The following SLCO6A1 variants were observed in gnomAD, a reference collection of about 807,000 sequenced individuals.
SLCO6A1 encodes solute carrier organic anion transporter family member 6A1.
A neutral mutation model predicts 72.7 loss-of-function variants in SLCO6A1; 65 were observed. The observed-to-expected ratio is 0.89, with a 90% CI of 0.73 to 1.10. The LOEUF (loss-of-function observed/expected upper bound fraction) is 1.10, where lower values mean the gene tolerates loss of function less well. Among genes scored for constraint, SLCO6A1 ranks in the 50% least tolerant of loss-of-function variants. The pLI is 0.00. For synonymous variants in SLCO6A1, 314 were observed against 298.2 expected, an observed-to-expected ratio of 1.05 and a Z score of -0.55; for missense variants, 874 against 872.6, an observed-to-expected ratio of 1.00 and a Z score of -0.02.
At chr5:102,391,101 T>G in intron 10 of SLCO6A1, 56 bp from the exon 11 acceptor site, 2 of 1,474,790 alleles carry the variant, frequency 1.4e-6, no homozygotes, top group Non-Finnish European at 1.9e-6. Flanking sequence ...GCACTAAGAA[T>G]GTATGCTAGA....
Position 102,498,837 on chromosome 5 carries a change from A to G in SLCO6A1, c.8T>C (p.Val3Ala), listed in dbSNP as rs1753039550. The stretch of plus-strand genomic sequence containing the variant: ...GCTCCCAGAGTGCCGGGCGACGCCT[A>G]CGAACATGGCTCACCCTGGGCGGCT... MFVGVARHSGSQD... is the reference protein window; with the variant it reads MFAGVARHSGSQD... The change falls in exon 1 of 14, where the codon GTA becomes GCA. Residue 3 changes from valine (V) to alanine (A), a missense_variant. Physicochemically the swap from Val to Ala is moderately conservative, Grantham distance 64 (BLOSUM62 0). Coordinates refer to ENST00000506729, the MANE Select transcript of SLCO6A1 (RefSeq NM_173488.5). 1 of 1,608,770 alleles carries G rather than the reference A, an allele frequency of 6.2e-7. No homozygotes were observed. The highest frequency in any genetic ancestry group is 8.5e-7 in the Non-Finnish European group (1 of 1,178,412).
chr5:102,495,791 G>C (rs1303956902), intron 1 of SLCO6A1, among the ~76,000 whole-genome samples: 2 of 151,726 alleles, frequency 1.3e-5, no homozygotes, highest in African/African-American at 2.4e-5. Context: ...GAGAGGAAGG[G>C]AGGGAAAAAA....
intron 7 of SLCO6A1, among the ~76,000 whole-genome samples, chr5:102,435,916 T>C (rs1461164826): frequency 1.3e-5 from 2 of 151,382 alleles, no homozygotes; most frequent in Non-Finnish European, 2.9e-5. Context: ...GAGCTGGAGG[T>C]TTATAGTGGA....
chr5:102,459,786 A>C lies in SLCO6A1; in HGVS notation c.900-9T>G. On this transcript the variant is annotated splice_polypyrimidine_tract_variant and intron_variant, in intron 4 of 13. Coordinates refer to ENST00000506729, the MANE Select transcript of SLCO6A1 (RefSeq NM_173488.5). ...CATTATTGACTGTAGTGCTTTAATA[A>C]AGAAAAGTGAAAAAAAAAAGCAACT... 2 of 1,554,980 alleles carry C rather than the reference A, an allele frequency of 1.3e-6. No homozygotes were observed. Among genetic ancestry groups the C allele is most frequent in the Admixed American group, 4.5e-5 (2 of 44,088 alleles).
At chr5:102,498,220 G>A (rs981123246) in intron 1 of SLCO6A1, among the ~76,000 whole-genome samples, 5 of 152,220 alleles carry the variant, frequency 3.3e-5, no homozygotes, top group African/African-American at 1.2e-4. Context: ...CTCCCGCACA[G>A]CCGGCTCTGC....
At chr5:102,415,836 C>T (rs10065054) in intron 8 of SLCO6A1, among the ~76,000 whole-genome samples, 98,375 of 151,930 alleles carry the variant, frequency 0.65, 32,051 homozygotes, top group African/African-American at 0.67. Flanking sequence ...CCAGAATATA[C>T]AAGGAACTCA....
At chr5:102,443,465 ATTAG>A (rs1490480990) in intron 6 of SLCO6A1, among the ~76,000 whole-genome samples, 2 of 152,122 alleles carry the variant, frequency 1.3e-5, no homozygotes, top group Non-Finnish European at 2.9e-5. Context: ...AACTGACTAG[ATTAG>A]TTAGTCACTC....
intron 4 of SLCO6A1, among the ~76,000 whole-genome samples, chr5:102,461,762 C>T (rs1751051662): frequency 6.6e-6 from 1 of 152,012 alleles, no homozygotes; most frequent in Non-Finnish European, 1.5e-5. Flanking sequence ...CAAAAATAAA[C>T]TGAAATTGAA....
chr5:102,388,878 A>G (rs1746576931), intron 11 of SLCO6A1, 53 bp from the exon 12 acceptor site: 1 of 1,501,992 alleles, frequency 6.7e-7, no homozygotes, highest in Non-Finnish European at 9.0e-7. Context: ...ATTCTCTTAA[A>G]CATGTAATGC....
At chr5:102,387,066 C>T (rs908670605) in intron 12 of SLCO6A1, among the ~76,000 whole-genome samples, 2 of 152,128 alleles carry the variant, frequency 1.3e-5, no homozygotes, top group Admixed American at 1.3e-4. Context: ...TATTTTCACA[C>T]ATGGATGGTC....
chr5:102,389,590 A>G (rs1746631946), intron 11 of SLCO6A1, among the ~76,000 whole-genome samples: 1 of 151,622 alleles, frequency 6.6e-6, no homozygotes, highest in African/African-American at 2.4e-5. Context: ...GCCAATGTGC[A>G]TTATCTAGAT....
chr5:102,495,884 G>A (rs1489759295), intron 1 of SLCO6A1, among the ~76,000 whole-genome samples: 1 of 152,116 alleles, frequency 6.6e-6, no homozygotes, highest in South Asian at 2.1e-4. Flanking sequence ...TACTCTGTAA[G>A]ACTTTCAAGG....
intron 10 of SLCO6A1, among the ~76,000 whole-genome samples, chr5:102,398,732 T>C (rs1021991230): frequency 2.0e-5 from 3 of 152,158 alleles, no homozygotes; most frequent in Non-Finnish European, 4.4e-5. Context: ...TATCATGCTA[T>C]CCTGTCATAG....
chr5:102,475,555 G>A lies in SLCO6A1; in HGVS notation c.899+142C>T, dbSNP rs1751851744. 6 of 522,292 alleles carry A rather than the reference G, an allele frequency of 1.1e-5. No homozygotes were observed. In the South Asian group the frequency reaches 1.4e-4, roughly 12 times the overall value. The allele number at this position is 522,292 out of a possible 1,614,324, so 32.4% of individuals were successfully genotyped here. A position where few individuals can be genotyped will look rare whatever the true frequency, so the allele number is the denominator to read the frequency against. On this transcript the variant is annotated intron_variant, in intron 4 of 13. Transcript: ENST00000506729. ...CAGATGTATTTATATGTACAAATAT[G>A]TGCATATGTCACATTTGCATATATT...
At chr5:102,466,508 A>C (rs752558904) in intron 4 of SLCO6A1, among the ~76,000 whole-genome samples, 1 of 151,928 alleles carries the variant, frequency 6.6e-6, no homozygotes, top group Non-Finnish European at 1.5e-5. Context: ...TGTCTTTATA[A>C]CTGGATGATG....
intron 4 of SLCO6A1, among the ~76,000 whole-genome samples, chr5:102,467,603 G>C (rs1025318625): frequency 6.6e-6 from 1 of 152,062 alleles, no homozygotes; most frequent in Non-Finnish European, 1.5e-5. Flanking sequence ...TTGAAGGTGA[G>C]ATTTGTGTAG....
rs376772418 is a variant in SLCO6A1, at chr5:102,495,411, C to T, written c.358+3076G>A. ...GAGTTTGAGACCAGCCTGGCCAATA[C>T]GGTGAAACCCCATCTCTATTAAAAA... is the stretch of plus-strand genomic sequence containing the variant. On this transcript the variant is annotated intron_variant, in intron 1 of 13. Transcript: ENST00000506729. Among the ~76,000 whole-genome samples the T allele has an allele frequency of 4.6e-5, 7 of 151,484 alleles. No homozygotes were observed. The South Asian group carries it at 8.3e-4, about 18-fold the overall frequency.
At chr5:102,479,460 C>T (rs1398167503) in intron 2 of SLCO6A1, among the ~76,000 whole-genome samples, 1 of 151,972 alleles carries the variant, frequency 6.6e-6, no homozygotes, top group Non-Finnish European at 1.5e-5. Context: ...TAACTACAAA[C>T]CTTTCCTAAT....
chr5:102,445,270 T>C (rs1032606032), intron 6 of SLCO6A1, among the ~76,000 whole-genome samples: 9 of 152,188 alleles, frequency 5.9e-5, no homozygotes, highest in African/African-American at 1.9e-4. Context: ...TTTTTGCTGG[T>C]GTGCAATAAC....
Sources: gnomAD v4.1 joint callset for allele counts (sites outside exome capture counted in the v4.1 genomes callset) on GRCh38, gnomAD v4.1.1 for gene constraint, MANE v1.5 for transcripts, NCBI Gene and HGNC (gene_info 2026-07-23, HGNC 2026-07-21) for gene names.